Variants in ANKFY1 observed in about 807,000 individuals in gnomAD.
ANKFY1 encodes ankyrin repeat and FYVE domain-containing protein 1.
In ANKFY1, 47 loss-of-function variants were observed where a neutral mutation model predicts 128.3. That is an observed-to-expected ratio of 0.37 (90% confidence interval 0.29 to 0.47). The LOEUF (loss-of-function observed/expected upper bound fraction) is 0.47. Ranked by LOEUF, ANKFY1 falls within the 20% of genes least tolerant of loss-of-function variation. The probability of loss-of-function intolerance (pLI) is 1.00; values close to 1 mark genes in which losing one functional copy is unlikely to be tolerated. For missense variants in ANKFY1, 1,222 were observed against 1,510.6 expected (o/e 0.81, Z 3.17); for synonymous variants, 553 against 601.6 (o/e 0.92, Z 1.18).
chr17:4,225,122 G>A lies in ANKFY1; in HGVS notation c.323-8004C>T, dbSNP rs143293052. ...TGTAATCCCAGAACTCTGGGAGGCCGAGGCAGGCGGATCACTTGAGGTCAG... is the reference window on the plus strand; with the variant it reads ...TGTAATCCCAGAACTCTGGGAGGCCAAGGCAGGCGGATCACTTGAGGTCAG... On this transcript the variant is annotated intron_variant, in intron 3 of 24. Transcript: ENST00000341657. Among the ~76,000 whole-genome samples the A allele has an allele frequency of 5.0e-3, 755 of 152,036 alleles. 5 individuals carry two copies. The highest frequency in any genetic ancestry group is 0.018 in the African/African-American group (733 of 41,502).
At chr17:4,191,625 G>A (rs901870978) in intron 10 of ANKFY1, among the ~76,000 whole-genome samples, 2 of 138,288 alleles carry the variant, frequency 1.4e-5, no homozygotes, top group African/African-American at 5.3e-5. Flanking sequence ...ACTCCTAGTT[G>A]ATGGTTAATC....
At chr17:4,185,938 A>G (rs2059603733) in intron 11 of ANKFY1, among the ~76,000 whole-genome samples, 1 of 152,040 alleles carries the variant, frequency 6.6e-6, no homozygotes, top group African/African-American at 2.4e-5. Context: ...TGCTTGTATC[A>G]ATCTCATCTT....
intron 2 of ANKFY1, 102 bp from the exon 3 acceptor site, chr17:4,235,992 T>A (rs1408796298): frequency 1.3e-6 from 1 of 781,442 alleles, no homozygotes; most frequent in Non-Finnish European, 2.1e-6. Flanking sequence ...TCAACATACA[T>A]CTGCAAAAGA....
intron 10 of ANKFY1, among the ~76,000 whole-genome samples, chr17:4,190,001 C>T (rs2059689043): frequency 6.6e-6 from 1 of 152,192 alleles, no homozygotes; most frequent in Non-Finnish European, 1.5e-5. Context: ...GAAGTTCTGT[C>T]CCCTTGCTGA....
intron 3 of ANKFY1, among the ~76,000 whole-genome samples, chr17:4,221,364 ACTG>A (rs2060308605): frequency 6.6e-6 from 1 of 152,016 alleles, no homozygotes; most frequent in Non-Finnish European, 1.5e-5. Flanking sequence ...GACACATACC[ACTG>A]TGCCTGGCTA....
At chr17:4,225,260 G>C (rs2060406114) in intron 3 of ANKFY1, among the ~76,000 whole-genome samples, 1 of 152,092 alleles carries the variant, frequency 6.6e-6, no homozygotes. Context: ...GGGAGGCTGA[G>C]GTAGGAGAAT....
At chr17:4,187,079 T>C in intron 11 of ANKFY1, 2 of 1,129,636 alleles carry the variant, frequency 1.8e-6, no homozygotes, top group Non-Finnish European at 2.2e-6. Flanking sequence ...TGGTGATTTC[T>C]TAATGTTAGT....
At chr17:4,198,600 G>C (rs2059870452) in intron 7 of ANKFY1, among the ~76,000 whole-genome samples, 2 of 152,078 alleles carry the variant, frequency 1.3e-5, no homozygotes, top group African/African-American at 4.8e-5. Flanking sequence ...TCAAACTCCT[G>C]AGCTCAGGAA....
At chr17:4,235,246 G>A (rs1966870032) in intron 3 of ANKFY1, among the ~76,000 whole-genome samples, 1 of 150,902 alleles carries the variant, frequency 6.6e-6, no homozygotes, top group Non-Finnish European at 1.5e-5. Context: ...GGGAGGCTGA[G>A]GCACGAGAAT....
chr17:4,259,570 C>T (rs1167026372), intron 1 of ANKFY1, among the ~76,000 whole-genome samples: 1 of 152,208 alleles, frequency 6.6e-6, no homozygotes, highest in Non-Finnish European at 1.5e-5. Flanking sequence ...GCGTGAGCCA[C>T]CGTGCCCGGC....
chr17:4,164,320 A>T lies in ANKFY1; in HGVS notation c.*3459T>A, dbSNP rs1374018359. On this transcript the variant is annotated 3_prime_UTR_variant, in exon 25 of 25. Coordinates refer to ENST00000341657, the MANE Select transcript of ANKFY1 (RefSeq NM_001330063.2). ...TAGTACAGGCAATGATCTTCCAAAGAAAGTCTTTAAGGCATCTGTAACTTC... is the reference window on the plus strand; with the variant it reads ...TAGTACAGGCAATGATCTTCCAAAGTAAGTCTTTAAGGCATCTGTAACTTC... The T allele has an allele frequency of 1.3e-5, 2 of 152,692 alleles. No homozygotes were observed. Among genetic ancestry groups the T allele is most frequent in the African/African-American group, 2.4e-5 (1 of 41,472 alleles). 9.5% of individuals were successfully genotyped at this position (152,692 alleles called of 1,614,324 possible).
At chr17:4,183,034 A>G (rs1439664632) in intron 14 of ANKFY1, among the ~76,000 whole-genome samples, 1 of 152,142 alleles carries the variant, frequency 6.6e-6, no homozygotes. Context: ...TGAACCCAGT[A>G]GGTGGAGGCC....
At chr17:4,173,793 G>T in intron 20 of ANKFY1, 116 bp downstream of exon 20, 2 of 1,378,068 alleles carry the variant, frequency 1.5e-6, no homozygotes, top group Non-Finnish European at 2.0e-6. Context: ...TCCTGTCACA[G>T]CTTTGCTCCT....
intron 2 of ANKFY1, among the ~76,000 whole-genome samples, chr17:4,237,287 C>T (rs1438806091): frequency 1.3e-5 from 2 of 152,080 alleles, no homozygotes; most frequent in Non-Finnish European, 2.9e-5. Context: ...AAGCTATAAC[C>T]AATGGATATT....
At position 4,184,918 on chromosome 17, in the gene ANKFY1, G is replaced by C; in HGVS notation, c.1599C>G (p.Ser533=). The C allele has an allele frequency of 6.2e-7, 1 of 1,614,098 alleles. No homozygotes were observed. The highest frequency in any genetic ancestry group is 8.5e-7 in the Non-Finnish European group (1 of 1,180,042). ...GGACGCTGTCCGCCAAGCTGGTCAG[G>C]GATGCGGCCTCCTTTGGCAGAGGCA... is the stretch of plus-strand genomic sequence containing the variant. ...EALPLPKEAA[S]LTSLADSVHL... The change falls in exon 12 of 25, where the codon TCC becomes TCG. Residue 533 remains serine (S), a synonymous_variant. Transcript: ENST00000341657.
chr17:4,238,662 C>CA (rs1168504535), intron 2 of ANKFY1, among the ~76,000 whole-genome samples: 1 of 151,936 alleles, frequency 6.6e-6, no homozygotes, highest in African/African-American at 2.4e-5. Context: ...TTAGTAGAGA[C>CA]AGAGTTTCAC....
Position 4,235,423 on chromosome 17 carries a change from A to G in ANKFY1, c.322+349T>C, listed in dbSNP as rs1966874260. 2.0e-5 allele frequency among the ~76,000 whole-genome samples: 3 copies of G among 151,952 alleles called. No homozygotes were observed. The South Asian group carries it at 6.2e-4, about 31-fold the overall frequency. ...ATTTGACAGCAGGACTTTTTATTAGACTTGAGGGAAAATTTTTTTCTGGAC... is the reference window on the plus strand; with the variant it reads ...ATTTGACAGCAGGACTTTTTATTAGGCTTGAGGGAAAATTTTTTTCTGGAC... On this transcript the variant is annotated intron_variant, in intron 3 of 24. Transcript: ENST00000341657.
rs771045871 is a variant in ANKFY1 at position 4,173,389 on chromosome 17, T to C, written c.2979A>G (p.Thr993=). ...GRLNNIRVLL[T]ECTVDAEAFN... Reference sequence around the variant, plus strand: ...AGGCTTCGGCGTCCACTGTGCACTCTGTCAGGAGAACCCGGATGTTGTTGA... The same window carrying C: ...AGGCTTCGGCGTCCACTGTGCACTCCGTCAGGAGAACCCGGATGTTGTTGA... The change falls in exon 21 of 25, where the codon ACA becomes ACG. Residue 993 remains threonine, a synonymous_variant. Transcript: ENST00000341657. The C allele has an allele frequency of 1.6e-5, 26 of 1,613,966 alleles. No homozygotes were observed. Among genetic ancestry groups the C allele is most frequent in the Non-Finnish European group, 2.1e-5 (25 of 1,179,968 alleles).
chr17:4,222,663 CA>C, intron 3 of ANKFY1: 1 of 896,406 alleles, frequency 1.1e-6, no homozygotes, highest in Non-Finnish European at 1.9e-6. Context: ...AAATGTGCAC[CA>C]AAAATGGCCC....
Sources: gnomAD v4.1 joint callset for allele counts (sites outside exome capture counted in the v4.1 genomes callset) on GRCh38, gnomAD v4.1.1 for gene constraint, MANE v1.5 for transcripts, NCBI Gene and HGNC (gene_info 2026-07-23, HGNC 2026-07-21) for gene names.